Variants in ANKRD36 observed in about 807,000 individuals in gnomAD.
ANKRD36 encodes the protein ankyrin repeat domain-containing protein 36A.
ANKRD36 carries 179 observed loss-of-function variants against 278.1 expected under a neutral mutation model. The observed-to-expected ratio is 0.64, with a 90% CI of 0.57 to 0.73. The LOEUF (loss-of-function observed/expected upper bound fraction) is 0.73. Ranked by LOEUF, ANKRD36 falls within the 30% of genes least tolerant of loss-of-function variation. ANKRD36 has a pLI of 0.00. For missense variants in ANKRD36, 1,159 were observed against 1,956.7 expected (o/e 0.59, Z 7.69); for synonymous variants, 320 against 641.1 (o/e 0.50, Z 7.57).
chr2:97,230,054 T>C (rs1477327753), intron 67 of ANKRD36, among the ~76,000 whole-genome samples: 1 of 152,142 alleles, frequency 6.6e-6, no homozygotes. Context: ...GACCTTTCTC[T>C]CTGGCTGCCC....
chr2:97,153,837 A>G (rs1456180306), intron 14 of ANKRD36, among the ~76,000 whole-genome samples: 1 of 146,582 alleles, frequency 6.8e-6, no homozygotes, highest in Admixed American at 6.8e-5. Context: ...GGGAGCCCAT[A>G]GGAAGGAAGA....
rs1045308345 is a variant in ANKRD36, at chr2:97,134,632, G to A, written c.799+7498G>A. The stretch of plus-strand genomic sequence containing the variant: ...AACTAGGTTCTCCATCATGAAAAAT[G>A]CCAAGAGAGTCATACTATTTTTGTT... On this transcript the variant is annotated intron_variant, in intron 6 of 75. Coordinates refer to ENST00000420699, the MANE Select transcript of ANKRD36 (RefSeq NM_001354587.1). 2.4e-4 allele frequency among the ~76,000 whole-genome samples: 36 copies of A among 152,146 alleles called. 1 individual carries two copies. The highest frequency in any genetic ancestry group is 8.4e-4 in the South Asian group (4 of 4,782).
At chr2:97,148,265 A>T (rs2044848610) in intron 11 of ANKRD36, among the ~76,000 whole-genome samples, 1 of 152,310 alleles carries the variant, frequency 6.6e-6, no homozygotes, top group African/African-American at 2.4e-5. Flanking sequence ...TAACATGCGT[A>T]TGCTTGGGGT....
intron 67 of ANKRD36, among the ~76,000 whole-genome samples, chr2:97,226,751 G>T (rs2069812831): frequency 6.6e-6 from 1 of 151,390 alleles, no homozygotes; most frequent in Non-Finnish European, 1.5e-5. Context: ...GGGTTTTTAT[G>T]GTTTTAGGTC....
Position 97,175,328 on chromosome 2 carries a change from T to C in ANKRD36, c.1634-4410T>C, listed in dbSNP as rs372126408. On this transcript the variant is annotated intron_variant, in intron 22 of 75. Transcript: ENST00000420699. Reference sequence around the variant, plus strand: ...ATCCTGTTATTGGTCTATTCAGAGATTCAACTTCTTCCTGGTTTAGTCTTG... The same window carrying C: ...ATCCTGTTATTGGTCTATTCAGAGACTCAACTTCTTCCTGGTTTAGTCTTG... 6.0e-5 allele frequency among the ~76,000 whole-genome samples: 9 copies of C among 151,246 alleles called. No homozygotes were observed. The East Asian group carries it at 1.4e-3, about 23-fold the overall frequency.
chr2:97,130,988 A>C (rs1463328191), intron 6 of ANKRD36, among the ~76,000 whole-genome samples: 1 of 152,048 alleles, frequency 6.6e-6, no homozygotes, highest in Non-Finnish European at 1.5e-5. Context: ...GTTTCTTTTA[A>C]ATTTTCAAAC....
chr2:97,208,400 G>A (rs1220676777), intron 54 of ANKRD36, among the ~76,000 whole-genome samples: 8 of 146,552 alleles, frequency 5.5e-5, no homozygotes, highest in Admixed American at 1.4e-4. Flanking sequence ...GTAACAACCC[G>A]TAGACACTGT....
chr2:97,217,200 C>T lies in ANKRD36; in HGVS notation c.3697C>T (p.Gln1233Ter), dbSNP rs1473812580. The change falls in exon 63 of 76, where the codon CAG becomes TAG. Residue 1233 changes from glutamine to a stop codon, truncating the protein, a stop_gained. Transcript: ENST00000420699. LOFTEE classifies it low-confidence loss of function (ANC_ALLELE). ...AGTGTCTCCTCAGAAACAATCGGCCCAGAAGGTAGTTACTCTTTCATTTAT... is the reference window on the plus strand; with the variant it reads ...AGTGTCTCCTCAGAAACAATCGGCCTAGAAGGTAGTTACTCTTTCATTTAT... ...GTVSPQKQSAQKVIFKKKVSL... is the reference protein window; with the variant it reads ...GTVSPQKQSA 81 of 1,553,142 alleles carry T rather than the reference C, an allele frequency of 5.2e-5. No homozygotes were observed. The highest frequency in any genetic ancestry group is 6.9e-5 in the Non-Finnish European group (79 of 1,150,268).
In ANKRD36 at chr2:97,210,019, G is replaced by T. The variant is rs1448226402; in HGVS notation, c.3367+147G>T. The T allele has an allele frequency of 9.0e-6, 12 of 1,334,460 alleles. 1 individual carries two copies. In the East Asian group the frequency reaches 1.9e-4, roughly 21 times the overall value. The allele number at this position is 1,334,460 out of a possible 1,614,324, so 82.7% of individuals were successfully genotyped here. A position where few individuals can be genotyped will look rare whatever the true frequency, so the allele number is the denominator to read the frequency against. ...CTTCATTTCAAATAAGTTCTTGTGT[G>T]GTGCTGATGCTGCTGGCCTGGAACA... is the stretch of plus-strand genomic sequence containing the variant. On this transcript the variant is annotated intron_variant, in intron 56 of 75. Transcript: ENST00000420699.
intron 3 of ANKRD36, among the ~76,000 whole-genome samples, chr2:97,121,595 A>G (rs1365256305): frequency 5.0e-4 from 76 of 151,662 alleles, no homozygotes; most frequent in Non-Finnish European, 7.4e-4. Context: ...GCAGTGAGCC[A>G]AGATGGCACC....
At position 97,209,842 on chromosome 2, in the gene ANKRD36, GAA is replaced by G. The variant is rs764622473; in HGVS notation, c.3343_3344del (p.Lys1115GlyfsTer6). 1 of 1,591,848 alleles carries G rather than the reference GAA, an allele frequency of 6.3e-7. No individual in the cohort carries two copies. Among genetic ancestry groups the G allele is most frequent in the Non-Finnish European group, 8.5e-7 (1 of 1,172,210 alleles). ...AGATTCTGTTTTGTATATAGCCAGA[GAA>G]AAAAAGGATGGAGAAAAATCTAGGA... ...EKDSVLYIAREKKDGEKSRTV... is the reference protein window; with the variant it reads ...EKDSVLYIARXKKDGEKSRTV... On this transcript the variant is annotated frameshift_variant, in exon 56 of 76. Coordinates refer to ENST00000420699, the MANE Select transcript of ANKRD36 (RefSeq NM_001354587.1). LOFTEE classifies it high-confidence loss of function.
intron 56 of ANKRD36, among the ~76,000 whole-genome samples, chr2:97,210,677 G>T (rs539799370): frequency 1.3e-4 from 20 of 151,906 alleles, no homozygotes; most frequent in African/African-American, 4.8e-4. Context: ...AGAGAATAAC[G>T]TGATACTCCC....
intron 6 of ANKRD36, among the ~76,000 whole-genome samples, chr2:97,134,818 A>T (rs1311934588): frequency 4.6e-5 from 7 of 152,048 alleles, no homozygotes; most frequent in African/African-American, 1.7e-4. Flanking sequence ...TACCATTCCC[A>T]GTATTTCTTT....
At chr2:97,202,140 A>T in intron 46 of ANKRD36, 62 bp from the exon 47 acceptor site, 1 of 1,601,960 alleles carries the variant, frequency 6.2e-7, no homozygotes, top group Non-Finnish European at 8.5e-7. Flanking sequence ...ACAGTGCTCG[A>T]ATGTATGGAA....
chr2:97,232,907 G>A (rs1422089581), intron 67 of ANKRD36, among the ~76,000 whole-genome samples: 3 of 151,978 alleles, frequency 2.0e-5, no homozygotes, highest in South Asian at 2.1e-4. Context: ...ACAAAACACC[G>A]CTAATTGGAA....
chr2:97,124,952 G>T (rs2038136324), intron 5 of ANKRD36, among the ~76,000 whole-genome samples: 2 of 151,620 alleles, frequency 1.3e-5, no homozygotes, highest in South Asian at 4.2e-4. Flanking sequence ...AGTTATTTGG[G>T]TCTCAAAATG....
intron 20 of ANKRD36, among the ~76,000 whole-genome samples, chr2:97,165,922 A>G (rs1158376776): frequency 6.6e-6 from 1 of 152,258 alleles, no homozygotes; most frequent in Non-Finnish European, 1.5e-5. Context: ...CTCATTTTTC[A>G]TGTAAATGAC....
chr2:97,180,116 G>A (rs895129385), intron 24 of ANKRD36, among the ~76,000 whole-genome samples, 183 bp downstream of exon 24: 4 of 151,542 alleles, frequency 2.6e-5, no homozygotes, highest in Non-Finnish European at 5.9e-5. Flanking sequence ...CATGATCTGA[G>A]TAGTAAGATT....
intron 24 of ANKRD36, among the ~76,000 whole-genome samples, chr2:97,180,500 C>T (rs1418806081): frequency 6.6e-6 from 1 of 151,534 alleles, no homozygotes; most frequent in East Asian, 1.9e-4. Flanking sequence ...GGAATATTTG[C>T]ATAAAAGAAG....
Sources: allele counts gnomAD v4.1 joint callset (sites outside exome capture counted in the v4.1 genomes callset), GRCh38; gene constraint gnomAD v4.1.1; transcripts MANE v1.5; gene names NCBI Gene and HGNC (gene_info 2026-07-23, HGNC 2026-07-21).